The following FAT3 variants were observed in gnomAD, a reference collection of about 807,000 sequenced individuals.
The protein encoded by FAT3 is protocadherin Fat 3.
Under a neutral mutation model 310.2 loss-of-function variants are expected in FAT3, and 95 were observed. The observed-to-expected ratio is 0.31, with a 90% CI of 0.26 to 0.36. The LOEUF (loss-of-function observed/expected upper bound fraction) is 0.36, where lower values mean the gene tolerates loss of function less well. FAT3 is among the 10% of genes least tolerant of loss of function. The probability of loss-of-function intolerance (pLI) is 1.00; values close to 1 mark genes in which losing one functional copy is unlikely to be tolerated. For synonymous variants in FAT3, 2,314 were observed against 2,192.9 expected (o/e 1.06, Z -1.54); for missense variants, 5,408 against 5,715.6 (o/e 0.95, Z 1.74).
chr11:92,798,729 A>T lies in FAT3; in HGVS notation c.5716A>T (p.Ser1906Cys). ...TGTTGGAGTGGAGGTTCTGAAAGTTAGTGCCACAGATCCTGACTCTGAGGT... is the reference window on the plus strand; with the variant it reads ...TGTTGGAGTGGAGGTTCTGAAAGTTTGTGCCACAGATCCTGACTCTGAGGT... ...TYVGVEVLKV[S>C]ATDPDSEVPP... The change falls in exon 10 of 28, where the codon AGT (serine) becomes TGT (cysteine). Residue 1906 changes from serine (S) to cysteine (C), a missense_variant. Ser to Cys is a moderately radical substitution (Grantham distance 112). Coordinates refer to ENST00000525166, the MANE Select transcript of FAT3 (RefSeq NM_001367949.2). The T allele has an allele frequency of 6.2e-7, 1 of 1,613,868 alleles. No homozygotes were observed. Among genetic ancestry groups the T allele is most frequent in the East Asian group, 2.2e-5 (1 of 44,824 alleles).
At chr11:92,264,574 T>G (rs1270689109) in intron 1 of FAT3, among the ~76,000 whole-genome samples, 1 of 152,172 alleles carries the variant, frequency 6.6e-6, no homozygotes, top group Non-Finnish European at 1.5e-5. Flanking sequence ...TGGGGGAATC[T>G]AGGTTGCTAT....
chr11:92,508,457 AGAAAAAAT>A (rs150015472), intron 2 of FAT3, among the ~76,000 whole-genome samples: 115 of 152,330 alleles, frequency 7.5e-4, no homozygotes, highest in African/African-American at 2.7e-3. Flanking sequence ...ATTCTGATAC[AGAAAAAAT>A]GAAAAAAAGT....
chr11:92,791,081 A>G (rs1468174532), intron 8 of FAT3, among the ~76,000 whole-genome samples: 1 of 152,210 alleles, frequency 6.6e-6, no homozygotes, highest in African/African-American at 2.4e-5. Flanking sequence ...TCATAAGACT[A>G]GAAACCTTCC....
At chr11:92,771,902 C>G (rs1946468160) in intron 6 of FAT3, among the ~76,000 whole-genome samples, 1 of 151,972 alleles carries the variant, frequency 6.6e-6, no homozygotes, top group Admixed American at 6.5e-5. Flanking sequence ...TATACAGGGC[C>G]CTGGGGAAAA....
Position 92,798,846 on chromosome 11 carries a change from A to G in FAT3, c.5833A>G (p.Asn1945Asp). The G allele has an allele frequency of 6.2e-7, 1 of 1,613,924 alleles. No homozygotes were observed. Among genetic ancestry groups the G allele is most frequent in the Non-Finnish European group, 8.5e-7 (1 of 1,179,854 alleles). Residue 1945 changes from asparagine (N) to aspartate (D), a missense_variant, in exon 10 of 28, where the codon AAC becomes GAC. Physicochemically the swap from Asn to Asp is conservative, Grantham distance 23. Transcript: ENST00000525166. The part of the protein sequence containing the change: ...NSGVLTIKNN[N>D]LSKDHYMLIV... The stretch of plus-strand genomic sequence containing the variant: ...TGGAGTACTTACCATAAAAAACAAC[A>G]ACCTCTCCAAGGATCACTACATGCT...
rs914928302 is a variant in FAT3, at chr11:92,227,754, T to TC, written c.-18+2580_-18+2581insC. 8.6e-4 allele frequency among the ~76,000 whole-genome samples: 41 copies of TC among 47,500 alleles called. 1 individual carries two copies. The South Asian group carries it at 0.013, about 15-fold the overall frequency. The allele number at this position is 47,500 out of a possible 152,430, so 31.2% of individuals were successfully genotyped here. On this transcript the variant is annotated intron_variant, in intron 1 of 27. Coordinates refer to ENST00000525166, the MANE Select transcript of FAT3 (RefSeq NM_001367949.2). Reference sequence around the variant, plus strand: ...TTCTGCTTTTTTTCTTTCTTCTTCTTTTTTTTTTTTTTCTTTATTCCTAAA... The same window carrying TC: ...TTCTGCTTTTTTTCTTTCTTCTTCTTCTTTTTTTTTTTTCTTTATTCCTAAA...
chr11:92,625,234 G>A (rs746345351), intron 3 of FAT3, among the ~76,000 whole-genome samples: 2 of 152,120 alleles, frequency 1.3e-5, no homozygotes, highest in African/African-American at 4.8e-5. Context: ...CCCAATAACT[G>A]CTTGCTTTTG....
At chr11:92,290,917 C>T (rs1946672365) in intron 1 of FAT3, among the ~76,000 whole-genome samples, 1 of 151,930 alleles carries the variant, frequency 6.6e-6, no homozygotes, top group African/African-American at 2.4e-5. Context: ...GGAGAATTTC[C>T]ACATAATTAG....
chr11:92,840,085 A>G (rs1353552286), intron 17 of FAT3, among the ~76,000 whole-genome samples: 1 of 152,200 alleles, frequency 6.6e-6, no homozygotes, highest in Non-Finnish European at 1.5e-5. Flanking sequence ...TTGACTAGGA[A>G]GTTGCCAGGA....
chr11:92,632,430 C>T (rs1941590470), intron 3 of FAT3, among the ~76,000 whole-genome samples: 1 of 152,146 alleles, frequency 6.6e-6, no homozygotes, highest in Non-Finnish European at 1.5e-5. Flanking sequence ...AGACGGGTTA[C>T]TGGAAAAGGA....
chr11:92,634,191 A>G (rs375093275), intron 3 of FAT3, among the ~76,000 whole-genome samples: 11 of 152,342 alleles, frequency 7.2e-5, no homozygotes, highest in Middle Eastern at 3.4e-3. Flanking sequence ...ACAGACAGGA[A>G]CTAACATGAT....
intron 3 of FAT3, among the ~76,000 whole-genome samples, chr11:92,602,158 C>T (rs1940059650): frequency 6.6e-6 from 1 of 152,058 alleles, no homozygotes; most frequent in South Asian, 2.1e-4. Flanking sequence ...ACTGCAACCT[C>T]CGCCTCCAGG....
At chr11:92,438,451 G>A (rs982377501) in intron 2 of FAT3, among the ~76,000 whole-genome samples, 2 of 152,082 alleles carry the variant, frequency 1.3e-5, no homozygotes, top group South Asian at 2.1e-4. Flanking sequence ...AATATACATA[G>A]CATTACATTT....
chr11:92,682,201 T>C (rs1013618888), intron 3 of FAT3, among the ~76,000 whole-genome samples: 4 of 152,208 alleles, frequency 2.6e-5, no homozygotes, highest in African/African-American at 9.6e-5. Context: ...GGGGTAAGAA[T>C]AGTATTTAGC....
At chr11:92,744,795 A>G (rs1945609976) in intron 4 of FAT3, among the ~76,000 whole-genome samples, 1 of 152,218 alleles carries the variant, frequency 6.6e-6, no homozygotes, top group Non-Finnish European at 1.5e-5. Flanking sequence ...AAAAGAAAGC[A>G]TATTTCTGGG....
At chr11:92,478,894 G>T (rs1952121937) in intron 2 of FAT3, among the ~76,000 whole-genome samples, 2 of 148,376 alleles carry the variant, frequency 1.3e-5, no homozygotes, top group South Asian at 4.4e-4. Context: ...GGGACTACAG[G>T]CATGAGCTAC....
At chr11:92,320,880 A>AAG (rs1555010870) in intron 1 of FAT3, among the ~76,000 whole-genome samples, 19,511 of 148,382 alleles carry the variant, frequency 0.13, 2,636 homozygotes, top group African/African-American at 0.34. Context: ...AAAAAAAAAA[A>AAG]GGGGGGGGTA....
At chr11:92,849,174 G>C (rs11020082) in intron 19 of FAT3, among the ~76,000 whole-genome samples, 47,673 of 152,098 alleles carry the variant, frequency 0.31, 8,393 homozygotes, top group South Asian at 0.5. Context: ...TACAGAGCTA[G>C]TCAATGACAG....
intron 3 of FAT3, among the ~76,000 whole-genome samples, chr11:92,538,644 A>G (rs501739): frequency 0.38 from 57,382 of 151,932 alleles, 11,777 homozygotes; most frequent in Middle Eastern, 0.53. Context: ...AGTGCCTGCT[A>G]TAAACCAGGT....
Sources: allele counts gnomAD v4.1 joint callset (sites outside exome capture counted in the v4.1 genomes callset), GRCh38; gene constraint gnomAD v4.1.1; transcripts MANE v1.5; gene names NCBI Gene and HGNC (gene_info 2026-07-23, HGNC 2026-07-21).